The following IPCEF1 variants were observed in gnomAD, a reference collection of about 807,000 sequenced individuals.
IPCEF1 encodes the protein interactor protein for cytohesin exchange factors 1.
IPCEF1 carries 31 observed loss-of-function variants against 50.9 expected under a neutral mutation model. The ratio of observed to expected loss-of-function variants is 0.61; its 90% CI spans 0.46 to 0.82. The LOEUF is 0.82. IPCEF1 is among the 40% of genes least tolerant of loss of function. IPCEF1 has a pLI of 0.00. For missense variants in IPCEF1, 458 were observed against 514.0 expected (o/e 0.89, Z 1.05); for synonymous variants, 181 against 192.0 (o/e 0.94, Z 0.47).
intron 1 of IPCEF1, among the ~76,000 whole-genome samples, chr6:154,331,725 C>A (rs1783677435): frequency 6.6e-6 from 1 of 152,038 alleles, no homozygotes; most frequent in Non-Finnish European, 1.5e-5. Flanking sequence ...CCTTGAGGAA[C>A]ACTCGACTCA....
chr6:154,159,083 A>G lies in IPCEF1; in HGVS notation c.*745T>C, dbSNP rs1798828859. On this transcript the variant is annotated 3_prime_UTR_variant, in exon 12 of 12. Transcript: ENST00000367220. ...ATATTCCTATCTCCTACCATTGAGT[A>G]GGAAAGCTCAAAGGAAGTAGAGGTC... 1 of 152,270 alleles carries G rather than the reference A, an allele frequency of 6.6e-6. No individual in the cohort carries two copies. Among genetic ancestry groups the G allele is most frequent in the African/African-American group, 2.4e-5 (1 of 41,452 alleles). The allele number at this position is 152,270 out of a possible 1,614,324, so 9.4% of individuals were successfully genotyped here. A position where few individuals can be genotyped will look rare whatever the true frequency, so the allele number is the denominator to read the frequency against.
chr6:154,240,742 C>A (rs1019558261), intron 5 of IPCEF1, among the ~76,000 whole-genome samples: 10 of 152,180 alleles, frequency 6.6e-5, no homozygotes, highest in Non-Finnish European at 1.3e-4. Context: ...GTGCATGCAG[C>A]TAGAGATGGA....
intron 1 of IPCEF1, among the ~76,000 whole-genome samples, chr6:154,322,720 C>G (rs929634793): frequency 6.6e-6 from 1 of 152,030 alleles, no homozygotes; most frequent in Admixed American, 6.6e-5. Flanking sequence ...GTCTGTAATT[C>G]CAGCTACTCA....
intron 1 of IPCEF1, among the ~76,000 whole-genome samples, chr6:154,322,402 A>ACC (rs1554224660): frequency 2.3e-3 from 222 of 94,536 alleles, no homozygotes; most frequent in African/African-American, 5.6e-3. Flanking sequence ...ACACACACAC[A>ACC]CCCCTATGTT....
intron 1 of IPCEF1, among the ~76,000 whole-genome samples, chr6:154,354,517 A>ATCTC (rs1784180798): frequency 7.8e-6 from 1 of 128,920 alleles, no homozygotes; most frequent in African/African-American, 3.0e-5. Flanking sequence ...CACCTCTACC[A>ATCTC]CTCCAATCAC....
intron 1 of IPCEF1, among the ~76,000 whole-genome samples, chr6:154,305,480 A>G (rs1782908106): frequency 6.6e-6 from 1 of 152,172 alleles, no homozygotes; most frequent in Non-Finnish European, 1.5e-5. Context: ...CTACCAGAAT[A>G]ATCTTTCACA....
At chr6:154,200,644 C>T (rs1053576795) in intron 9 of IPCEF1, among the ~76,000 whole-genome samples, 2 of 152,110 alleles carry the variant, frequency 1.3e-5, no homozygotes, top group African/African-American at 4.8e-5. Context: ...TCACTTGAAC[C>T]TGGGAGGCAG....
chr6:154,229,889 G>C (rs765521730), intron 5 of IPCEF1, among the ~76,000 whole-genome samples: 2 of 152,174 alleles, frequency 1.3e-5, no homozygotes, highest in African/African-American at 4.8e-5. Context: ...ATCATGAAAA[G>C]GAGCAAACCA....
At position 154,212,755 on chromosome 6, in the gene IPCEF1, T is replaced by G; in HGVS notation, c.537+15A>C. 1 of 1,565,064 alleles carries G rather than the reference T, an allele frequency of 6.4e-7. No homozygotes were observed. The highest frequency in any genetic ancestry group is 8.8e-7 in the Non-Finnish European group (1 of 1,135,400). On this transcript the variant is annotated intron_variant, in intron 9 of 11. Coordinates refer to ENST00000367220, the MANE Select transcript of IPCEF1 (RefSeq NM_001130700.2). ...TCTGATCGATGACCAACAGACTACT[T>G]ATGTCGGTACATACCAAAGACTGAG...
intron 10 of IPCEF1, among the ~76,000 whole-genome samples, chr6:154,179,414 A>T (rs1028739254): frequency 6.6e-5 from 10 of 151,784 alleles, no homozygotes; most frequent in Non-Finnish European, 1.2e-4. Flanking sequence ...ATCTTACAAG[A>T]TCATAAAGAG....
chr6:154,167,852 T>C (rs773615630), intron 11 of IPCEF1, 68 bp downstream of exon 11: 48 of 1,187,072 alleles, frequency 4.0e-5, no homozygotes, highest in Non-Finnish European at 5.2e-5. Flanking sequence ...AGCAAGAATC[T>C]CTCTGCAGAA....
At chr6:154,325,894 T>C (rs961765364) in intron 1 of IPCEF1, among the ~76,000 whole-genome samples, 1 of 152,190 alleles carries the variant, frequency 6.6e-6, no homozygotes, top group African/African-American at 2.4e-5. Flanking sequence ...AGAAGAGGTT[T>C]GTTGTTCAAG....
intron 5 of IPCEF1, among the ~76,000 whole-genome samples, chr6:154,246,220 TAG>T (rs376547737): frequency 4.3e-4 from 66 of 152,280 alleles, no homozygotes; most frequent in African/African-American, 1.5e-3. Context: ...CTCCTTTTAG[TAG>T]AGAGACCTTA....
intron 1 of IPCEF1, among the ~76,000 whole-genome samples, chr6:154,327,912 C>T (rs112790541): frequency 3.3e-5 from 5 of 152,298 alleles, no homozygotes; most frequent in African/African-American, 1.2e-4. Context: ...GAGATCACGT[C>T]CTTTGTAGGG....
intron 1 of IPCEF1, among the ~76,000 whole-genome samples, chr6:154,324,718 G>T (rs1180738859): frequency 6.6e-6 from 1 of 152,172 alleles, no homozygotes; most frequent in Non-Finnish European, 1.5e-5. Context: ...TGAGGCAGGA[G>T]AATCGCTTGA....
At chr6:154,263,263 T>A (rs1245974880) in intron 3 of IPCEF1, among the ~76,000 whole-genome samples, 1 of 151,496 alleles carries the variant, frequency 6.6e-6, no homozygotes, top group East Asian at 1.9e-4. Flanking sequence ...TTATTTTTTT[T>A]AATTGATCAT....
At chr6:154,276,382 G>A (rs1480489658) in intron 2 of IPCEF1, among the ~76,000 whole-genome samples, 1 of 152,112 alleles carries the variant, frequency 6.6e-6, no homozygotes, top group Non-Finnish European at 1.5e-5. Flanking sequence ...TCGTGCCCAA[G>A]GGTTATCAGA....
intron 1 of IPCEF1, among the ~76,000 whole-genome samples, chr6:154,303,601 T>A (rs542233523): frequency 6.8e-6 from 1 of 148,100 alleles, no homozygotes; most frequent in East Asian, 1.9e-4. Flanking sequence ...TCATACATTC[T>A]TCTGTAACAA....
At chr6:154,268,188 G>A (rs1474873939) in intron 2 of IPCEF1, among the ~76,000 whole-genome samples, 1 of 152,220 alleles carries the variant, frequency 6.6e-6, no homozygotes, top group Non-Finnish European at 1.5e-5. Context: ...TGACAGCAGG[G>A]AGAAGCCAGG....
Sources: allele counts gnomAD v4.1 joint callset (sites outside exome capture counted in the v4.1 genomes callset), GRCh38; gene constraint gnomAD v4.1.1; transcripts MANE v1.5; gene names NCBI Gene and HGNC (gene_info 2026-07-23, HGNC 2026-07-21).